Variants in IL1RAPL1 observed in about 807,000 individuals in gnomAD.
IL1RAPL1 encodes interleukin-1 receptor accessory protein-like 1.
IL1RAPL1 carries 3 observed loss-of-function variants against 48.4 expected under a neutral mutation model. The ratio of observed to expected loss-of-function variants is 0.06; its 90% confidence interval spans 0.03 to 0.16. IL1RAPL1 has a LOEUF of 0.16. IL1RAPL1 is among the 10% of genes least tolerant of loss of function. The pLI, the probability that IL1RAPL1 is intolerant of heterozygous loss-of-function variation, is 1.00. For missense variants in IL1RAPL1, 349 were observed against 530.6 expected, an observed-to-expected ratio of 0.66 and a Z score of 3.36; for synonymous variants, 185 against 187.7, an observed-to-expected ratio of 0.99 and a Z score of 0.12.
intron 6 of IL1RAPL1, among the ~76,000 whole-genome samples, chrX:29,817,001 C>T (rs186965569): frequency 9.2e-6 from 1 of 108,788 alleles, no homozygotes; most frequent in Admixed American, 9.9e-5. Context: ...TATATATCTC[C>T]TCTGCTCTCT....
chrX:29,325,859 C>T (rs1185514884), intron 3 of IL1RAPL1, among the ~76,000 whole-genome samples: 2 of 111,587 alleles, frequency 1.8e-5, no homozygotes, highest in South Asian at 3.8e-4. Context: ...CAGTGCATCA[C>T]GTGGTTAAGA....
intron 1 of IL1RAPL1, among the ~76,000 whole-genome samples, chrX:28,782,649 G>C (rs758484251): frequency 3.6e-5 from 4 of 111,563 alleles, no homozygotes; most frequent in Non-Finnish European, 7.5e-5. Context: ...TCTATTCCTT[G>C]GACCAAACTC....
intron 2 of IL1RAPL1, among the ~76,000 whole-genome samples, chrX:28,919,916 G>C (rs916275350): frequency 4.5e-5 from 5 of 111,838 alleles, no homozygotes; most frequent in African/African-American, 1.3e-4. Flanking sequence ...TGCTAGGTTA[G>C]CTTTATGTAT....
rs769209835 is a variant in IL1RAPL1 at position 28,711,475 on chromosome X, A to G, written c.-24-77845A>G. 3.6e-5 allele frequency among the ~76,000 whole-genome samples: 4 copies of G among 110,416 alleles called. No homozygotes were observed. The Admixed American group carries it at 3.9e-4, about 11-fold the overall frequency. ...TGAGAAAGAAGTCTAGACTAAAGAT[A>G]CAAATTTGAGAGCTATCAGCGTAAA... is the stretch of plus-strand genomic sequence containing the variant. On this transcript the variant is annotated intron_variant, in intron 1 of 10. Transcript: ENST00000378993.
At chrX:29,389,409 T>C (rs1158316277) in intron 3 of IL1RAPL1, among the ~76,000 whole-genome samples, 1 of 103,077 alleles carries the variant, frequency 9.7e-6, no homozygotes, top group African/African-American at 3.6e-5. Flanking sequence ...AAATCAGCCA[T>C]AGGCCCTGAA....
chrX:28,925,698 G>A (rs928191039), intron 2 of IL1RAPL1, among the ~76,000 whole-genome samples: 1 of 111,543 alleles, frequency 9.0e-6, no homozygotes, highest in Admixed American at 9.5e-5. Flanking sequence ...TGAGGCGGGC[G>A]GATCACAAGG....
In IL1RAPL1 at chrX:29,835,502, T is replaced by C. The variant is rs1006374019; in HGVS notation, c.779-81962T>C. ...ATGTGTGTTTTGTCTGGTTTTGATATCAGGATAATGGTGGCATCATAGAAT... is the reference window on the plus strand; with the variant it reads ...ATGTGTGTTTTGTCTGGTTTTGATACCAGGATAATGGTGGCATCATAGAAT... On this transcript the variant is annotated intron_variant, in intron 6 of 10. Coordinates refer to ENST00000378993, the MANE Select transcript of IL1RAPL1 (RefSeq NM_014271.4). Among the ~76,000 whole-genome samples the C allele has an allele frequency of 2.7e-5, 3 of 112,200 alleles. No individual in the cohort carries two copies. In the Admixed American group the frequency reaches 2.8e-4, roughly 11 times the overall value.
intron 5 of IL1RAPL1, among the ~76,000 whole-genome samples, chrX:29,632,402 G>C (rs1252442722): frequency 9.0e-6 from 1 of 110,841 alleles, no homozygotes; most frequent in Non-Finnish European, 1.9e-5. Flanking sequence ...GCCCACCTCG[G>C]CCTCCCAAAG....
chrX:29,431,276 A>T (rs1286645192), intron 5 of IL1RAPL1, among the ~76,000 whole-genome samples: 2 of 112,264 alleles, frequency 1.8e-5, no homozygotes, highest in Non-Finnish European at 3.8e-5. Flanking sequence ...TATTCACATT[A>T]AAAACATTCA....
chrX:28,886,738 T>C (rs1204299436), intron 2 of IL1RAPL1, among the ~76,000 whole-genome samples: 1 of 111,208 alleles, frequency 9.0e-6, no homozygotes, highest in African/African-American at 3.3e-5. Flanking sequence ...GAATTAAGTT[T>C]TAAATTATTA....
chrX:28,931,969 G>C lies in IL1RAPL1; in HGVS notation c.82+142544G>C, dbSNP rs780725557. Among the ~76,000 whole-genome samples the C allele has an allele frequency of 3.7e-5, 4 of 108,752 alleles. No homozygotes were observed. The South Asian group carries it at 1.6e-3, about 43-fold the overall frequency. The allele number at this position is 108,752 out of a possible 115,157, so 94.4% of individuals were successfully genotyped here. A position where few individuals can be genotyped will look rare whatever the true frequency, so the allele number is the denominator to read the frequency against. ...AGGCAGGAGAATGTCATGAACCCGG[G>C]AGGCAGAGCTTGCAGTGAGCCAAGA... is the stretch of plus-strand genomic sequence containing the variant. On this transcript the variant is annotated intron_variant, in intron 2 of 10. Transcript: ENST00000378993.
chrX:28,847,264 T>C (rs1921533367), intron 2 of IL1RAPL1, among the ~76,000 whole-genome samples: 1 of 111,191 alleles, frequency 9.0e-6, no homozygotes, highest in African/African-American at 3.3e-5. Flanking sequence ...AAAATTTGAC[T>C]AATTCTCACC....
intron 2 of IL1RAPL1, among the ~76,000 whole-genome samples, chrX:28,826,170 C>T (rs1049388159): frequency 9.0e-5 from 10 of 111,511 alleles, no homozygotes; most frequent in Admixed American, 2.9e-4. Context: ...GTATTTGTTA[C>T]GTTCATTCAA....
chrX:29,501,780 G>T (rs1935276460), intron 5 of IL1RAPL1, among the ~76,000 whole-genome samples: 1 of 89,693 alleles, frequency 1.1e-5, no homozygotes, highest in Admixed American at 1.2e-4. Flanking sequence ...GCTCAGGATT[G>T]CTTTGCTTAT....
intron 6 of IL1RAPL1, among the ~76,000 whole-genome samples, chrX:29,817,433 AT>A (rs202016267): frequency 2.8e-5 from 3 of 106,680 alleles, no homozygotes; most frequent in Non-Finnish European, 3.9e-5. Context: ...CCTGTAGCTT[AT>A]TTTTTTTTTG....
At chrX:29,313,779 G>T (rs768061584) in intron 3 of IL1RAPL1, among the ~76,000 whole-genome samples, 1 of 111,864 alleles carries the variant, frequency 8.9e-6, no homozygotes, top group Non-Finnish European at 1.9e-5. Flanking sequence ...CCGCAACTCT[G>T]CCCTCACCCT....
At chrX:29,916,851 T>C (rs760917420) in intron 6 of IL1RAPL1, among the ~76,000 whole-genome samples, 11 of 112,517 alleles carry the variant, frequency 9.8e-5, no homozygotes, top group Non-Finnish European at 1.9e-5. Context: ...ACTGATTTTA[T>C]CTGTGATGAA....
intron 2 of IL1RAPL1, among the ~76,000 whole-genome samples, chrX:29,197,929 G>C (rs755569308): frequency 1.6e-4 from 18 of 110,587 alleles, no homozygotes. Context: ...GGCTGGTCTT[G>C]AACTCCTGAC....
intron 2 of IL1RAPL1, among the ~76,000 whole-genome samples, chrX:29,087,033 T>A (rs1927966696): frequency 9.0e-6 from 1 of 111,484 alleles, no homozygotes; most frequent in Non-Finnish European, 1.9e-5. Context: ...ATAGTTAACC[T>A]CTGAATCTGT....
Sources: allele counts gnomAD v4.1 joint callset (sites outside exome capture counted in the v4.1 genomes callset), GRCh38; gene constraint gnomAD v4.1.1; transcripts MANE v1.5; gene names NCBI Gene and HGNC (gene_info 2026-07-23, HGNC 2026-07-21).